CPA6: variants seen among roughly 807,000 people sequenced by gnomAD.
CPA6 encodes the protein carboxypeptidase A6, also known as carboxypeptidase B.
Under a neutral mutation model 63.3 loss-of-function variants are expected in CPA6, and 58 were observed. The observed-to-expected ratio is 0.92, with a 90% CI of 0.74 to 1.14. The LOEUF is 1.14. Among genes scored for constraint, CPA6 ranks in the 50% most tolerant of loss-of-function variants. The pLI is 0.00. For missense variants in CPA6, 565 were observed against 526.6 expected (o/e 1.07, Z -0.71); for synonymous variants, 185 against 179.0 (o/e 1.03, Z -0.27).
At position 67,745,916 on chromosome 8, in the gene CPA6, G is replaced by C. The variant is rs1817998192; in HGVS notation, c.116+98C>G. ...CCGTGAAAGTGTGCAGATTCACTCA[G>C]AGACCCCCAAATCAGAAAAAGTGAG... On this transcript the variant is annotated intron_variant, in intron 1 of 10. Coordinates refer to ENST00000297770, the MANE Select transcript of CPA6 (RefSeq NM_020361.5). The C allele has an allele frequency of 4.1e-6, 3 of 733,614 alleles. No individual in the cohort carries two copies. In the East Asian group the frequency reaches 8.0e-5, roughly 20 times the overall value. 45.4% of individuals were successfully genotyped at this position (733,614 alleles called of 1,614,324 possible).
intron 1 of CPA6, among the ~76,000 whole-genome samples, chr8:67,632,366 T>A (rs189394565): frequency 5.3e-5 from 8 of 152,046 alleles, no homozygotes; most frequent in Non-Finnish European, 7.4e-5. Context: ...AGAAATGGGG[T>A]CTTACTATGT....
intron 1 of CPA6, among the ~76,000 whole-genome samples, chr8:67,636,411 A>G (rs1194053471): frequency 6.6e-6 from 1 of 151,552 alleles, no homozygotes; most frequent in Non-Finnish European, 1.5e-5. Context: ...GCTTGTAACC[A>G]AAAGCACCCT....
chr8:67,705,218 C>T (rs928041420), intron 1 of CPA6, among the ~76,000 whole-genome samples: 5 of 152,130 alleles, frequency 3.3e-5, no homozygotes, highest in South Asian at 2.1e-4. Flanking sequence ...GTACTGGAAA[C>T]GGGGCTGCCT....
intron 8 of CPA6, among the ~76,000 whole-genome samples, chr8:67,482,955 G>A (rs538478322): frequency 1.3e-5 from 2 of 152,286 alleles, no homozygotes; most frequent in Admixed American, 1.3e-4. Flanking sequence ...TGGGATGGGA[G>A]GATTGGCATC....
intron 1 of CPA6, among the ~76,000 whole-genome samples, chr8:67,726,999 C>T (rs1817608802): frequency 6.6e-6 from 1 of 152,198 alleles, no homozygotes; most frequent in South Asian, 2.1e-4. Flanking sequence ...TGGCACAAGG[C>T]ACCACAGAAG....
intron 1 of CPA6, among the ~76,000 whole-genome samples, chr8:67,664,623 C>T (rs946935265): frequency 6.6e-6 from 1 of 152,008 alleles, no homozygotes; most frequent in Non-Finnish European, 1.5e-5. Flanking sequence ...TTCTTTTAAC[C>T]ATTTGGGCCT....
At chr8:67,661,190 T>C (rs1587680841) in intron 1 of CPA6, among the ~76,000 whole-genome samples, 1 of 151,938 alleles carries the variant, frequency 6.6e-6, no homozygotes, top group Non-Finnish European at 1.5e-5. Flanking sequence ...AAGGAAGGTG[T>C]AATTGAGAAG....
At chr8:67,423,373 C>T (rs1359812214) in intron 10 of CPA6, among the ~76,000 whole-genome samples, 3 of 152,266 alleles carry the variant, frequency 2.0e-5, no homozygotes, top group Non-Finnish European at 2.9e-5. Context: ...GCGTGAGCCA[C>T]TGTGCCTGGC....
chr8:67,533,151 G>A (rs1812514377), intron 2 of CPA6, among the ~76,000 whole-genome samples: 1 of 152,130 alleles, frequency 6.6e-6, no homozygotes, highest in Non-Finnish European at 1.5e-5. Flanking sequence ...TAGCACATCT[G>A]GAATGGGACA....
intron 7 of CPA6, among the ~76,000 whole-genome samples, chr8:67,484,389 C>T (rs1811430041): frequency 6.6e-6 from 1 of 152,084 alleles, no homozygotes; most frequent in Non-Finnish European, 1.5e-5. Flanking sequence ...CTTCTCTTGG[C>T]CCCATTTCTT....
rs114605769 is a variant in CPA6, at chr8:67,696,342, C to T, written c.116+49672G>A. 3.9e-5 allele frequency among the ~76,000 whole-genome samples: 6 copies of T among 152,100 alleles called. No homozygotes were observed. The East Asian group carries it at 1.2e-3, about 29-fold the overall frequency. On this transcript the variant is annotated intron_variant, in intron 1 of 10. Transcript: ENST00000297770. ...TAGGGAAATGCAAATTACAGCCACA[C>T]TGAGAAGCCATAGTACATGCACTAG... is the stretch of plus-strand genomic sequence containing the variant.
intron 1 of CPA6, among the ~76,000 whole-genome samples, chr8:67,673,889 C>A (rs1816411028): frequency 1.3e-5 from 2 of 152,064 alleles, no homozygotes; most frequent in African/African-American, 4.8e-5. Context: ...GCCTTTAATA[C>A]AATTGTTATA....
intron 2 of CPA6, among the ~76,000 whole-genome samples, chr8:67,610,380 GAA>G (rs919330153): frequency 7.0e-6 from 1 of 143,882 alleles, no homozygotes. Context: ...TTCTCTTTGA[GAA>G]AAAAAAAAGA....
intron 2 of CPA6, 127 bp from the exon 3 acceptor site, chr8:67,518,174 G>A: frequency 1.3e-6 from 1 of 799,946 alleles, no homozygotes; most frequent in Non-Finnish European, 1.8e-6. Context: ...TAGACTTAAT[G>A]CTTGCATCAT....
chr8:67,678,294 C>T (rs1354487190), intron 1 of CPA6, among the ~76,000 whole-genome samples: 1 of 151,206 alleles, frequency 6.6e-6, no homozygotes, highest in Non-Finnish European at 1.5e-5. Context: ...CATTAAAATT[C>T]AGAAATTCTG....
At chr8:67,610,547 T>C (rs1341945544) in intron 2 of CPA6, among the ~76,000 whole-genome samples, 7 of 152,182 alleles carry the variant, frequency 4.6e-5, no homozygotes, top group African/African-American at 9.7e-5. Flanking sequence ...AACACATTAT[T>C]AGTCAAGGCA....
chr8:67,498,769 G>T (rs149662039), intron 6 of CPA6, among the ~76,000 whole-genome samples: 37 of 152,158 alleles, frequency 2.4e-4, no homozygotes, highest in African/African-American at 8.4e-4. Flanking sequence ...ACAAGAGAAA[G>T]ATTTTGCAAT....
At chr8:67,534,326 C>G (rs968214198) in intron 2 of CPA6, among the ~76,000 whole-genome samples, 2 of 152,104 alleles carry the variant, frequency 1.3e-5, no homozygotes, top group African/African-American at 4.8e-5. Flanking sequence ...GCTTTTAGCT[C>G]TTGGTGGGAG....
At chr8:67,435,487 T>G (rs1810129277) in intron 8 of CPA6, among the ~76,000 whole-genome samples, 1 of 152,110 alleles carries the variant, frequency 6.6e-6, no homozygotes, top group East Asian at 1.9e-4. Context: ...CTTGGGGCCC[T>G]GTGATGGGGA....
Sources: gnomAD v4.1 joint callset for allele counts (sites outside exome capture counted in the v4.1 genomes callset) on GRCh38, gnomAD v4.1.1 for gene constraint, MANE v1.5 for transcripts, NCBI Gene and HGNC (gene_info 2026-07-23, HGNC 2026-07-21) for gene names.